The following ZNF397 variants were observed in gnomAD, a reference collection of about 807,000 sequenced individuals.
The protein encoded by ZNF397 is zinc finger and SCAN domain-containing protein 15.
In ZNF397, 38 loss-of-function variants were observed where a neutral mutation model predicts 50.6. The observed-to-expected ratio is 0.75, with a 90% confidence interval of 0.58 to 0.98. The LOEUF is 0.98. Ranked by LOEUF, ZNF397 falls within the 50% of genes least tolerant of loss-of-function variation. The pLI, the probability that ZNF397 is intolerant of heterozygous loss-of-function variation, is 0.00. For synonymous variants in ZNF397, 228 were observed against 215.2 expected, an observed-to-expected ratio of 1.06 and a Z score of -0.52; for missense variants, 624 against 624.1, an observed-to-expected ratio of 1.00 and a Z score of 0.00.
At position 35,245,523 on chromosome 18, in the gene ZNF397, T is replaced by C. The variant is rs2043462454; in HGVS notation, c.818T>C (p.Ile273Thr). 6.4e-7 allele frequency: 1 copy of C among 1,552,408 alleles called. No individual in the cohort carries two copies. The highest frequency in any genetic ancestry group is 8.7e-7 in the Non-Finnish European group (1 of 1,147,160). ...TGCTTGATTCTAACTACAGACTCTATAATGTGTCAGAAAGTTCCTCCAGAA... is the reference window on the plus strand; with the variant it reads ...TGCTTGATTCTAACTACAGACTCTACAATGTGTCAGAAAGTTCCTCCAGAA... ...ERCLILTTDS[I>T]MCQKVPPEER... The change falls in exon 4 of 4, where the codon ATA becomes ACA. Residue 273 changes from isoleucine (I) to threonine (T), a missense_variant. Physicochemically the swap from Ile to Thr is moderately conservative, Grantham distance 89. Coordinates refer to ENST00000330501, the MANE Select transcript of ZNF397 (RefSeq NM_001135178.3).
At chr18:35,258,230 G>C in exon 6 of ZNF397, 1 of 493,990 alleles carries the variant, frequency 2.0e-6, no homozygotes, top group Non-Finnish European at 3.7e-6. Context: ...ACCCAGTCAA[G>C]GCCATTCATG....
chr18:35,258,954 G>A (rs2043941798), downstream of ZNF397: 3 of 150,254 alleles, frequency 2.0e-5, 1 homozygote, highest in South Asian at 4.3e-4. Flanking sequence ...GTTTTATGAG[G>A]ACTCTGTAAA....
At chr18:35,243,045 C>A in intron 2 of ZNF397, 107 bp from the exon 3 acceptor site, 1 of 1,539,360 alleles carries the variant, frequency 6.5e-7, no homozygotes, top group South Asian at 1.2e-5. Flanking sequence ...TCTTTTTCCC[C>A]TGTCCTTCAT....
At chr18:35,243,351 T>A (rs1478332731) in intron 3 of ZNF397, 58 bp downstream of exon 3, 2 of 1,613,078 alleles carry the variant, frequency 1.2e-6, no homozygotes, top group South Asian at 2.2e-5. Flanking sequence ...TTTTTGAGAA[T>A]GCAGAATTAA....
At chr18:35,258,355 A>G (rs955776256) in exon 6 of ZNF397, 2 of 182,646 alleles carry the variant, frequency 1.1e-5, no homozygotes, top group Non-Finnish European at 2.3e-5. Flanking sequence ...TACTGCCACT[A>G]TGAAGTAATA....
downstream of ZNF397, chr18:35,251,779 TGTCA>T (rs1321947013): frequency 2.0e-5 from 3 of 152,192 alleles, no homozygotes; most frequent in Non-Finnish European, 4.4e-5. Context: ...CCTGCAGAAC[TGTCA>T]GTCAATTAAA....
chr18:35,245,196 A>T, intron 3 of ZNF397, 66 bp from the exon 4 acceptor site: 3 of 1,471,164 alleles, frequency 2.0e-6, no homozygotes, highest in Non-Finnish European at 2.7e-6. Flanking sequence ...GTTTTCTCTC[A>T]TGTAGAAAGT....
Position 35,257,957 on chromosome 18 carries a change from A to G in ZNF397, c.*19A>G, listed in dbSNP as rs764982961. 5.1e-6 allele frequency: 4 copies of G among 780,936 alleles called. No homozygotes were observed. The South Asian group carries it at 5.4e-5, about 10-fold the overall frequency. 48.4% of individuals were successfully genotyped at this position (780,936 alleles called of 1,614,324 possible). ...TTCCTGAAGAACACATCGTCAATAA[A>G]TCACCTGCACCCAAATCTCCATCTC... On this transcript the variant is annotated 3_prime_UTR_variant, in exon 6 of 6. Coordinates refer to the ZNF397 transcript ENST00000261333.
chr18:35,258,985 A>C (rs2043943169), downstream of ZNF397: 1 of 153,560 alleles, frequency 6.5e-6, no homozygotes, highest in Admixed American at 6.6e-5. Flanking sequence ...TGGATTATGA[A>C]TAAATTAAAG....
At chr18:35,253,910 G>A, downstream of ZNF397, 1 of 1,614,104 alleles carries the variant, frequency 6.2e-7, no homozygotes. Context: ...AACAAGGTCT[G>A]AGCTCAAACT....
At chr18:35,258,091 T>C in exon 6 of ZNF397, 1 of 730,138 alleles carries the variant, frequency 1.4e-6, no homozygotes. Flanking sequence ...CATATCACAG[T>C]GGGCCTCTCC....
At chr18:35,254,137 G>A (rs781164485), downstream of ZNF397, 3 of 1,614,134 alleles carry the variant, frequency 1.9e-6, no homozygotes, top group African/African-American at 1.3e-5. Context: ...GTTCTGTGGG[G>A]ATTCTTCTGT....
chr18:35,242,718 T>C lies in ZNF397; in HGVS notation c.248T>C (p.Leu83Ser). ...ELCYQWLMPELHTKEQILELL... is the reference protein window; with the variant it reads ...ELCYQWLMPESHTKEQILELL... ...TGCTATCAGTGGCTAATGCCAGAGT[T>C]GCACACAAAGGAGCAGATCTTAGAA... Residue 83 changes from leucine (L) to serine (S), a missense_variant, in exon 2 of 4, where the codon TTG becomes TCG. Physicochemically the swap from Leu to Ser is moderately radical, Grantham distance 145 (BLOSUM62 -2). Coordinates refer to ENST00000330501, the MANE Select transcript of ZNF397 (RefSeq NM_001135178.3). The C allele has an allele frequency of 6.2e-7, 1 of 1,614,232 alleles. No homozygotes were observed. Among genetic ancestry groups the C allele is most frequent in the Non-Finnish European group, 8.5e-7 (1 of 1,180,040 alleles).
chr18:35,248,574 C>G lies in ZNF397; in HGVS notation c.*2264C>G, dbSNP rs897011824. 2.6e-5 allele frequency: 4 copies of G among 152,230 alleles called. No individual in the cohort carries two copies. Among genetic ancestry groups the G allele is most frequent in the Non-Finnish European group, 5.9e-5 (4 of 68,042 alleles). The allele number at this position is 152,230 out of a possible 1,614,324, so 9.4% of individuals were successfully genotyped here. ...GTAATAGATAGACCAAGCACAGTGG[C>G]TCACACCTATAATGCCAGCACTTTG... On this transcript the variant is annotated 3_prime_UTR_variant, in exon 4 of 4. Transcript: ENST00000330501.
downstream of ZNF397, chr18:35,252,898 G>A (rs1251009982): frequency 6.5e-6 from 1 of 153,220 alleles, no homozygotes; most frequent in African/African-American, 2.4e-5. Context: ...GGAGACAACT[G>A]GCAAGGGGGC....
intron 5 of ZNF397, among the ~76,000 whole-genome samples, chr18:35,255,407 T>C (rs1403807966): frequency 3.9e-5 from 6 of 151,980 alleles, no homozygotes; most frequent in Non-Finnish European, 7.4e-5. Flanking sequence ...TAAATGTATA[T>C]GCATTTTACA....
In ZNF397 at chr18:35,242,554, T is replaced by C. The variant is rs1313542563; in HGVS notation, c.84T>C (p.Asp28=). 1 of 1,614,240 alleles carries C rather than the reference T, an allele frequency of 6.2e-7. No homozygotes were observed. The highest frequency in any genetic ancestry group is 1.7e-5 in the Admixed American group (1 of 60,022). ...AACTAATACTAGTGAAAGTAGAAGA[T>C]AACTTTTCCTGGGATGAGAAATTTA... ...EQELILVKVE[D]NFSWDEKFKQ... The change falls in exon 2 of 4, where the codon GAT becomes GAC. Residue 28 remains aspartate (D), a synonymous_variant. Transcript: ENST00000330501.
chr18:35,249,966 T>C (rs868469660), downstream of ZNF397, among the ~76,000 whole-genome samples: 43 of 152,132 alleles, frequency 2.8e-4, no homozygotes, highest in African/African-American at 1.0e-3. Context: ...GAGAAAATAT[T>C]TTAAAAGCAC....
In ZNF397 at chr18:35,249,540, C is replaced by CTA. The variant is rs1377697396; in HGVS notation, c.*3231_*3232dup. ...TGGTGGCATGTGCCTGTAGTCCCAG[C>CTA]TACTTGGGAGGCTGAGACAGGAGAA... On this transcript the variant is annotated 3_prime_UTR_variant, in exon 4 of 4. Transcript: ENST00000330501. The CTA allele has an allele frequency of 1.3e-5, 2 of 151,422 alleles. No homozygotes were observed. Among genetic ancestry groups the CTA allele is most frequent in the Non-Finnish European group, 2.9e-5 (2 of 67,954 alleles). The allele number at this position is 151,422 out of a possible 1,614,324, so 9.4% of individuals were successfully genotyped here.
Sources: gnomAD v4.1 joint callset for allele counts (sites outside exome capture counted in the v4.1 genomes callset) on GRCh38, gnomAD v4.1.1 for gene constraint, MANE v1.5 for transcripts, NCBI Gene and HGNC (gene_info 2026-07-23, HGNC 2026-07-21) for gene names.